Variants in PTPRD observed in about 807,000 individuals in gnomAD.
The protein encoded by PTPRD is protein tyrosine phosphatase receptor type D, also known as receptor-type tyrosine-protein phosphatase delta.
PTPRD carries 34 observed loss-of-function variants against 214.5 expected under a neutral mutation model. That is an observed-to-expected ratio of 0.16 (90% CI 0.12 to 0.21). PTPRD has a LOEUF of 0.21. Ranked by LOEUF, PTPRD falls within the 10% of genes least tolerant of loss-of-function variation. The pLI is 1.00. For synonymous variants in PTPRD, 1,128 were observed against 845.7 expected, an observed-to-expected ratio of 1.33 and a Z score of -5.79; for missense variants, 2,545 against 2,398.7, an observed-to-expected ratio of 1.06 and a Z score of -1.27.
chr9:9,600,571 C>T (rs2093672393), intron 7 of PTPRD, among the ~76,000 whole-genome samples: 1 of 152,064 alleles, frequency 6.6e-6, no homozygotes, highest in East Asian at 1.9e-4. Flanking sequence ...GAGGCATAAA[C>T]ATAGTTTGGG....
intron 7 of PTPRD, among the ~76,000 whole-genome samples, chr9:9,667,935 T>G (rs1205052370): frequency 2.0e-5 from 3 of 152,132 alleles, no homozygotes; most frequent in African/African-American, 7.2e-5. Flanking sequence ...TTACAGATAT[T>G]TCTAAATAAA....
chr9:9,091,372 T>A, intron 10 of PTPRD: 1 of 692,656 alleles, frequency 1.4e-6, no homozygotes, highest in Non-Finnish European at 2.6e-6. Context: ...TTTCTGTAAA[T>A]CTCCAATCAC....
At position 8,452,022 on chromosome 9, in the gene PTPRD, T is replaced by C. The variant is rs1253364552; in HGVS notation, c.3876-2185A>G. Reference sequence around the variant, plus strand: ...GCCCATTTCTCTGGTGCAAGGAAAGTTAGGAATTACATCTTGTTGCAAAGA... The same window carrying C: ...GCCCATTTCTCTGGTGCAAGGAAAGCTAGGAATTACATCTTGTTGCAAAGA... On this transcript the variant is annotated intron_variant, in intron 33 of 45. Coordinates refer to ENST00000381196, the MANE Select transcript of PTPRD (RefSeq NM_002839.4). The C allele has an allele frequency of 2.7e-5, 8 of 296,408 alleles. No individual in the cohort carries two copies. In the East Asian group the frequency reaches 6.4e-4, roughly 24 times the overall value. The allele number at this position is 296,408 out of a possible 1,614,324, so 18.4% of individuals were successfully genotyped here.
chr9:10,293,884 C>A (rs2095600869), intron 3 of PTPRD, among the ~76,000 whole-genome samples: 1 of 151,838 alleles, frequency 6.6e-6, no homozygotes, highest in Admixed American at 6.6e-5. Context: ...TTAAGAACAG[C>A]AAGGAATAAA....
At position 8,443,483 on chromosome 9, in the gene PTPRD, T is replaced by C. The variant is rs1226243335; in HGVS notation, c.3988+6242A>G. 3.9e-5 allele frequency among the ~76,000 whole-genome samples: 6 copies of C among 152,348 alleles called. No homozygotes were observed. In the South Asian group the frequency reaches 1.2e-3, roughly 32 times the overall value. On this transcript the variant is annotated intron_variant, in intron 34 of 45. Transcript: ENST00000381196. ...ATACCACTATTTCTGATCCGTTAAC[T>C]TTTTATGAGTTTGTTTCTGTTTTCA...
chr9:10,398,185 C>A (rs1185360718), intron 2 of PTPRD, among the ~76,000 whole-genome samples: 1 of 151,426 alleles, frequency 6.6e-6, no homozygotes, highest in East Asian at 2.0e-4. Flanking sequence ...CTGAGACCAG[C>A]CTGGACAACA....
At chr9:8,948,553 T>TTTATA (rs2099084692) in intron 11 of PTPRD, among the ~76,000 whole-genome samples, 1 of 74,104 alleles carries the variant, frequency 1.3e-5, no homozygotes, top group Non-Finnish European at 2.5e-5. Context: ...TTATATATAT[T>TTTATA]TATATATATT....
chr9:9,830,015 C>A (rs961244813), intron 5 of PTPRD, among the ~76,000 whole-genome samples: 1 of 151,648 alleles, frequency 6.6e-6, no homozygotes, highest in Non-Finnish European at 1.5e-5. Context: ...TTAATAGTTC[C>A]ATGTGGTATC....
chr9:8,623,853 C>T (rs2095904790), intron 14 of PTPRD, among the ~76,000 whole-genome samples: 1 of 151,886 alleles, frequency 6.6e-6, no homozygotes, highest in Non-Finnish European at 1.5e-5. Flanking sequence ...CACCTTCTAT[C>T]ACTTCCTACA....
intron 7 of PTPRD, among the ~76,000 whole-genome samples, chr9:9,726,431 A>C (rs1385890291): frequency 6.7e-6 from 1 of 149,138 alleles, no homozygotes; most frequent in African/African-American, 2.5e-5. Flanking sequence ...TATACTCCAT[A>C]TTAGCATAAC....
At chr9:9,908,199 T>C (rs920446908) in intron 5 of PTPRD, among the ~76,000 whole-genome samples, 1 of 152,046 alleles carries the variant, frequency 6.6e-6, no homozygotes, top group African/African-American at 2.4e-5. Flanking sequence ...GGAATAAAAA[T>C]TAAATACCTC....
intron 4 of PTPRD, among the ~76,000 whole-genome samples, chr9:10,019,996 CG>C (rs1411295836): frequency 1.3e-5 from 2 of 151,978 alleles, no homozygotes; most frequent in Admixed American, 1.3e-4. Context: ...TGTATATAAA[CG>C]GTTTATTACA....
intron 9 of PTPRD, among the ~76,000 whole-genome samples, chr9:9,372,205 C>T (rs1202313469): frequency 6.6e-6 from 1 of 152,042 alleles, no homozygotes; most frequent in Non-Finnish European, 1.5e-5. Flanking sequence ...CTAATGTTGA[C>T]AGTGGGGTGT....
At chr9:8,591,822 G>A (rs867999175) in intron 14 of PTPRD, among the ~76,000 whole-genome samples, 1 of 152,136 alleles carries the variant, frequency 6.6e-6, no homozygotes, top group Admixed American at 6.6e-5. Context: ...TGTGAACTCT[G>A]TATTCACTAT....
At position 8,486,132 on chromosome 9, in the gene PTPRD, G is replaced by C. The variant is rs144111555; in HGVS notation, c.2685C>G (p.Leu895=). ...CAAAGCCCACTTTGTTTCTGGCTGA[G>C]AGCCTGAAGACGTATGATGCTCCCT... ...IHKGASYVFR[L]SARNKVGFGE... is the part of the protein sequence containing the mutation. Residue 895 remains leucine, a synonymous_variant, in exon 28 of 46, where the codon CTC becomes CTG. Transcript: ENST00000381196. The C allele has an allele frequency of 2.4e-3, 3,944 of 1,614,186 alleles. 38 individuals are homozygous for C. Among genetic ancestry groups the C allele is most frequent in the Non-Finnish European group, 1.7e-3 (1,974 of 1,180,028 alleles).
intron 3 of PTPRD, among the ~76,000 whole-genome samples, chr9:10,188,830 G>T (rs531382059): frequency 3.3e-5 from 5 of 152,214 alleles, no homozygotes; most frequent in Admixed American, 1.3e-4. Context: ...TACAACAATT[G>T]TATCAGTTAT....
intron 11 of PTPRD, among the ~76,000 whole-genome samples, chr9:8,958,216 T>C (rs964077775): frequency 1.3e-5 from 2 of 151,904 alleles, no homozygotes; most frequent in African/African-American, 2.4e-5. Context: ...TGGAGACTCA[T>C]GATGCCTCAT....
intron 3 of PTPRD, among the ~76,000 whole-genome samples, chr9:10,317,878 A>T (rs2096472873): frequency 6.6e-6 from 1 of 152,020 alleles, no homozygotes; most frequent in South Asian, 2.1e-4. Context: ...ATGATTTTTA[A>T]TACTTGATAG....
intron 10 of PTPRD, among the ~76,000 whole-genome samples, chr9:9,044,770 CTT>C (rs370296533): frequency 6.6e-6 from 1 of 152,004 alleles, no homozygotes; most frequent in Admixed American, 6.6e-5. Flanking sequence ...TCCCTTTTAC[CTT>C]TTTTCCATTT....
Sources: allele counts gnomAD v4.1 joint callset (sites outside exome capture counted in the v4.1 genomes callset), GRCh38; gene constraint gnomAD v4.1.1; transcripts MANE v1.5; gene names NCBI Gene and HGNC (gene_info 2026-07-23, HGNC 2026-07-21).